The following CSMD1 variants were observed in gnomAD, a reference collection of about 807,000 sequenced individuals.
CSMD1 encodes CUB and Sushi multiple domains 1, also known as CUB and sushi domain-containing protein 1.
Under a neutral mutation model 417.5 loss-of-function variants are expected in CSMD1, and 213 were observed. The observed-to-expected ratio is 0.51, with a 90% CI of 0.46 to 0.57. The LOEUF (loss-of-function observed/expected upper bound fraction) is 0.57. CSMD1 is among the 20% of genes least tolerant of loss of function. The pLI is 0.00. For synonymous variants in CSMD1, 2,862 were observed against 1,736.8 expected (o/e 1.65, Z -16.11); for missense variants, 6,923 against 4,529.7 (o/e 1.53, Z -15.17).
intron 7 of CSMD1, among the ~76,000 whole-genome samples, chr8:3,643,936 T>C (rs1033607249): frequency 6.6e-6 from 1 of 152,196 alleles, no homozygotes; most frequent in African/African-American, 2.4e-5. Context: ...TTTGTGTATT[T>C]AGTTGGATGA....
chr8:3,394,487 AG>A (rs1363855973), intron 17 of CSMD1, among the ~76,000 whole-genome samples: 3 of 152,060 alleles, frequency 2.0e-5, no homozygotes, highest in Non-Finnish European at 4.4e-5. Flanking sequence ...AAGTAGAAAA[AG>A]CAAAGTCATC....
chr8:3,971,817 C>T (rs759396731), intron 5 of CSMD1, among the ~76,000 whole-genome samples: 1 of 152,166 alleles, frequency 6.6e-6, no homozygotes, highest in Non-Finnish European at 1.5e-5. Context: ...CTTTCTCTGT[C>T]TGTTGCATGA....
chr8:3,374,807 G>C (rs1043801199), intron 18 of CSMD1, among the ~76,000 whole-genome samples: 2 of 152,110 alleles, frequency 1.3e-5, no homozygotes, highest in East Asian at 1.9e-4. Flanking sequence ...GGATTCTTTA[G>C]TTATTTATTG....
At chr8:4,453,916 G>C (rs1799313776) in intron 2 of CSMD1, among the ~76,000 whole-genome samples, 1 of 135,010 alleles carries the variant, frequency 7.4e-6, no homozygotes, top group African/African-American at 2.8e-5. Flanking sequence ...CCGCCTCCCA[G>C]GTTCACAGCA....
chr8:3,459,290 G>C (rs552186066), intron 12 of CSMD1, among the ~76,000 whole-genome samples: 9 of 152,304 alleles, frequency 5.9e-5, no homozygotes, highest in Admixed American at 5.9e-4. Flanking sequence ...GGCGAGGAGA[G>C]ACAGGCCGGT....
At chr8:3,325,678 G>T (rs540012056) in intron 23 of CSMD1, among the ~76,000 whole-genome samples, 2 of 152,130 alleles carry the variant, frequency 1.3e-5, no homozygotes, top group African/African-American at 2.4e-5. Context: ...ACAGAAGTTA[G>T]CTGGGCATGG....
intron 23 of CSMD1, among the ~76,000 whole-genome samples, chr8:3,320,216 G>A (rs567775170): frequency 6.6e-6 from 1 of 152,176 alleles, no homozygotes; most frequent in South Asian, 2.1e-4. Flanking sequence ...GGGGCCCGTG[G>A]CCCTGGCACT....
intron 3 of CSMD1, among the ~76,000 whole-genome samples, chr8:4,091,405 A>G (rs751186652): frequency 5.3e-5 from 8 of 152,220 alleles, no homozygotes; most frequent in Non-Finnish European, 1.0e-4. Flanking sequence ...TAATGAAGTT[A>G]TCAATTTTCT....
At chr8:3,418,264 G>A (rs772929343) in intron 12 of CSMD1, among the ~76,000 whole-genome samples, 22 of 152,122 alleles carry the variant, frequency 1.4e-4, no homozygotes, top group Admixed American at 2.6e-4. Context: ...CGGGCTATAA[G>A]TAACCACAGA....
intron 7 of CSMD1, among the ~76,000 whole-genome samples, chr8:3,651,456 C>T (rs957133914): frequency 1.3e-5 from 2 of 152,082 alleles, no homozygotes; most frequent in African/African-American, 4.8e-5. Context: ...GGTCTGTGCA[C>T]GTTCTGACTT....
At chr8:3,437,061 A>G (rs765641616) in intron 12 of CSMD1, among the ~76,000 whole-genome samples, 7 of 152,186 alleles carry the variant, frequency 4.6e-5, no homozygotes, top group African/African-American at 1.7e-4. Context: ...ATCTCTGGCT[A>G]TGGTTCTCAT....
At chr8:3,136,766 C>G (rs114221825) in intron 41 of CSMD1, among the ~76,000 whole-genome samples, 2 of 152,046 alleles carry the variant, frequency 1.3e-5, no homozygotes, top group Non-Finnish European at 2.9e-5. Context: ...TCCCACCATC[C>G]CTGGGTAACT....
At chr8:4,264,079 GGAT>G (rs1232198028) in intron 3 of CSMD1, among the ~76,000 whole-genome samples, 2 of 152,064 alleles carry the variant, frequency 1.3e-5, no homozygotes, top group Non-Finnish European at 2.9e-5. Context: ...TATAAAATGA[GGAT>G]GATAACATCA....
chr8:3,677,690 G>C lies in CSMD1; in HGVS notation c.1009+30724C>G, dbSNP rs192684976. Reference sequence around the variant, plus strand: ...CCTTTAGGGCTCTTTGGCCAGAGCTGGGTAAATTCCCCTGTTTTGTTCTGG... The same window carrying C: ...CCTTTAGGGCTCTTTGGCCAGAGCTCGGTAAATTCCCCTGTTTTGTTCTGG... On this transcript the variant is annotated intron_variant, in intron 7 of 69. Transcript: ENST00000635120. Among the ~76,000 whole-genome samples the C allele has an allele frequency of 3.6e-3, 550 of 152,256 alleles. 3 individuals are homozygous for C. The highest frequency in any genetic ancestry group is 0.014 in the South Asian group (67 of 4,822).
At chr8:3,342,320 C>T (rs117610903) in intron 23 of CSMD1, among the ~76,000 whole-genome samples, 1 of 152,182 alleles carries the variant, frequency 6.6e-6, no homozygotes, top group East Asian at 1.9e-4. Context: ...TTTGCAGGAC[C>T]TTTTTTGCCT....
chr8:3,246,762 C>T (rs67844700), intron 26 of CSMD1, among the ~76,000 whole-genome samples: 23,778 of 152,100 alleles, frequency 0.16, 1,973 homozygotes, highest in Admixed American at 0.19. Flanking sequence ...TGTGAACCAC[C>T]GGGCCTGGAC....
chr8:4,193,042 A>C (rs1188616170), intron 3 of CSMD1, among the ~76,000 whole-genome samples: 1 of 152,222 alleles, frequency 6.6e-6, no homozygotes, highest in Non-Finnish European at 1.5e-5. Context: ...TCTTAAGTTA[A>C]TGTCATTATG....
intron 2 of CSMD1, among the ~76,000 whole-genome samples, chr8:4,609,945 G>A (rs1200773100): frequency 1.3e-5 from 2 of 152,022 alleles, no homozygotes; most frequent in African/African-American, 2.4e-5. Flanking sequence ...TTCCTATGCT[G>A]GCTATTAAAC....
chr8:3,379,707 G>C lies in CSMD1; in HGVS notation c.2782+7787C>G, dbSNP rs555738291. Among the ~76,000 whole-genome samples the C allele has an allele frequency of 2.0e-3, 306 of 152,262 alleles. 1 individual carries two copies. Among genetic ancestry groups the C allele is most frequent in the Non-Finnish European group, 8.2e-4 (56 of 68,018 alleles). On this transcript the variant is annotated intron_variant, in intron 18 of 69. Transcript: ENST00000635120. ...ACTGGCTAGCCATATGCAGAAAACT[G>C]AAACTGGACCCCTTCCTTACACTTT... is the stretch of plus-strand genomic sequence containing the variant.
Sources: allele counts gnomAD v4.1 joint callset (sites outside exome capture counted in the v4.1 genomes callset), GRCh38; gene constraint gnomAD v4.1.1; transcripts MANE v1.5; gene names NCBI Gene and HGNC (gene_info 2026-07-23, HGNC 2026-07-21).